SCN8A: variants seen among roughly 807,000 people sequenced by gnomAD.
SCN8A encodes sodium channel protein type 8 subunit alpha.
SCN8A carries 30 observed loss-of-function variants against 184.1 expected under a neutral mutation model. The observed-to-expected ratio is 0.16, with a 90% CI of 0.12 to 0.22. The LOEUF (loss-of-function observed/expected upper bound fraction) is 0.22. SCN8A is among the 10% of genes least tolerant of loss of function. SCN8A has a pLI of 1.00. For missense variants in SCN8A, 1,057 were observed against 2,498.9 expected (o/e 0.42, Z 12.30); for synonymous variants, 852 against 907.0 (o/e 0.94, Z 1.09).
chr12:51,654,547 A>G (rs756754814), intron 1 of SCN8A, among the ~76,000 whole-genome samples: 5 of 152,064 alleles, frequency 3.3e-5, no homozygotes, highest in Admixed American at 2.0e-4. Context: ...CCATTAGTCT[A>G]TATGTCTGTC....
intron 11 of SCN8A, among the ~76,000 whole-genome samples, chr12:51,715,643 G>C (rs1458858231): frequency 1.8e-5 from 2 of 109,522 alleles, no homozygotes; most frequent in African/African-American, 7.5e-5. Context: ...GGGTGACAGA[G>C]CAAGTCTCTG....
At chr12:51,792,475 C>T (rs375416809) in intron 25 of SCN8A, among the ~76,000 whole-genome samples, 270 of 113,560 alleles carry the variant, frequency 2.4e-3, no homozygotes, top group Admixed American at 7.4e-3. Flanking sequence ...GGGAAGACAG[C>T]GAGACCCTAT....
At chr12:51,758,111 T>C (rs1439904175) in intron 14 of SCN8A, among the ~76,000 whole-genome samples, 1 of 152,188 alleles carries the variant, frequency 6.6e-6, no homozygotes, top group Non-Finnish European at 1.5e-5. Flanking sequence ...CGGCTGTGAA[T>C]AGCCATTGCT....
intron 11 of SCN8A, chr12:51,713,589 C>T (rs1187212305): frequency 2.8e-5 from 19 of 685,820 alleles, no homozygotes; most frequent in Middle Eastern, 2.9e-4. Context: ...GGCGACCAGG[C>T]GGTGGTTTTA....
intron 20 of SCN8A, among the ~76,000 whole-genome samples, chr12:51,777,629 G>A (rs1351443375): frequency 6.6e-6 from 1 of 152,030 alleles, no homozygotes; most frequent in African/African-American, 2.4e-5. Context: ...CCTGTCCTGG[G>A]CCAGATTAAT....
intron 2 of SCN8A, among the ~76,000 whole-genome samples, chr12:51,681,253 A>T (rs192944542): frequency 6.6e-6 from 1 of 152,160 alleles, no homozygotes; most frequent in Non-Finnish European, 1.5e-5. Context: ...CTGCCTCCCA[A>T]TCTGGCACAG....
intron 12 of SCN8A, among the ~76,000 whole-genome samples, chr12:51,738,149 A>G (rs1426353529): frequency 6.6e-6 from 1 of 152,172 alleles, no homozygotes; most frequent in East Asian, 1.9e-4. Context: ...AAACCATGCA[A>G]ATTTTTTTCT....
chr12:51,737,635 G>A (rs1313200303), intron 12 of SCN8A, among the ~76,000 whole-genome samples: 2 of 152,328 alleles, frequency 1.3e-5, no homozygotes, highest in East Asian at 1.9e-4. Flanking sequence ...AGGTCCCCAA[G>A]TAGGAGTAGG....
intron 12 of SCN8A, among the ~76,000 whole-genome samples, chr12:51,739,625 C>T (rs1260646622): frequency 2.0e-5 from 3 of 152,150 alleles, no homozygotes; most frequent in Non-Finnish European, 2.9e-5. Context: ...CTGAGGCATC[C>T]GAGCTCCCCT....
intron 25 of SCN8A, among the ~76,000 whole-genome samples, 171 bp from the exon 26 acceptor site, chr12:51,794,200 G>GA (rs1256343598): frequency 6.6e-6 from 1 of 152,178 alleles, no homozygotes; most frequent in Non-Finnish European, 1.5e-5. Context: ...AGCTCTTGGT[G>GA]AGGTAATATT....
At chr12:51,803,619 A>G (rs1350740434) in intron 26 of SCN8A, among the ~76,000 whole-genome samples, 1 of 152,064 alleles carries the variant, frequency 6.6e-6, no homozygotes, top group African/African-American at 2.4e-5. Flanking sequence ...ACACACATTC[A>G]TCCTTCAAAA....
At position 51,765,784 on chromosome 12, in the gene SCN8A, C is replaced by T. The variant is rs771978286; in HGVS notation, c.2658C>T (p.Val886=). The change falls in exon 16 of 27, where the codon GTC becomes GTT. Residue 886 remains valine (V), a synonymous_variant. Coordinates refer to ENST00000627620, the MANE Select transcript of SCN8A (RefSeq NM_001330260.2). ...GNLTLVLAII[V]FIFAVVGMQL... ...TGACACTGGTGCTGGCCATTATTGT[C>T]TTCATCTTTGCCGTGGTGGGGATGC... The T allele has an allele frequency of 1.9e-6, 3 of 1,613,940 alleles. No individual in the cohort carries two copies. Among genetic ancestry groups the T allele is most frequent in the Non-Finnish European group, 2.5e-6 (3 of 1,179,954 alleles).
At chr12:51,652,458 C>G (rs1211681873) in intron 1 of SCN8A, among the ~76,000 whole-genome samples, 1 of 152,148 alleles carries the variant, frequency 6.6e-6, no homozygotes, top group Non-Finnish European at 1.5e-5. Context: ...AAATCATTTT[C>G]TACTTTGAAG....
intron 26 of SCN8A, among the ~76,000 whole-genome samples, chr12:51,799,262 C>T (rs970284325): frequency 6.6e-6 from 1 of 152,172 alleles, no homozygotes; most frequent in Non-Finnish European, 1.5e-5. Flanking sequence ...AGGACCTGCT[C>T]GAGCCCAATC....
rs1157540982 is a variant in SCN8A, at chr12:51,812,293, G to GAC, written c.*4864_*4865insAC. Reference sequence around the variant, plus strand: ...GGTTCCAGAAAAGGGACAGAACTGTGTTCTGTCCCTAGCTTGACCGCTGGC... The same window carrying GAC: ...GGTTCCAGAAAAGGGACAGAACTGTGACTTCTGTCCCTAGCTTGACCGCTGGC... On this transcript the variant is annotated 3_prime_UTR_variant, in exon 27 of 27. Transcript: ENST00000627620. 2.6e-5 allele frequency: 4 copies of GAC among 154,552 alleles called. No homozygotes were observed. Among genetic ancestry groups the GAC allele is most frequent in the Non-Finnish European group, 5.8e-5 (4 of 69,552 alleles). 9.6% of individuals were successfully genotyped at this position (154,552 alleles called of 1,614,324 possible).
chr12:51,697,617 C>G (rs1189682118), intron 6 of SCN8A, among the ~76,000 whole-genome samples: 1 of 152,124 alleles, frequency 6.6e-6, no homozygotes, highest in East Asian at 1.9e-4. Context: ...GAGGAGGGTA[C>G]CATATGTAAA....
chr12:51,698,100 T>G (rs951366624), intron 6 of SCN8A, among the ~76,000 whole-genome samples: 1 of 152,124 alleles, frequency 6.6e-6, no homozygotes, highest in African/African-American at 2.4e-5. Context: ...GTGATCCACC[T>G]TTCTTGGCCT....
At chr12:51,718,817 A>G (rs1592402868) in intron 11 of SCN8A, among the ~76,000 whole-genome samples, 1 of 152,014 alleles carries the variant, frequency 6.6e-6, no homozygotes, top group Non-Finnish European at 1.5e-5. Flanking sequence ...TCCTTTAAGT[A>G]CAAGAGTAAC....
At chr12:51,598,665 A>T (rs1183051024) in intron 1 of SCN8A, among the ~76,000 whole-genome samples, 1 of 152,196 alleles carries the variant, frequency 6.6e-6, no homozygotes, top group Non-Finnish European at 1.5e-5. Flanking sequence ...CAAAAATCAA[A>T]AAGTTCGAAG....
Sources: gnomAD v4.1 joint callset for allele counts (sites outside exome capture counted in the v4.1 genomes callset) on GRCh38, gnomAD v4.1.1 for gene constraint, MANE v1.5 for transcripts, NCBI Gene and HGNC (gene_info 2026-07-23, HGNC 2026-07-21) for gene names.